LRRC36: variants seen among roughly 807,000 people sequenced by gnomAD.
LRRC36 encodes the protein leucine-rich repeat-containing protein 36.
LRRC36 carries 62 observed loss-of-function variants against 81.1 expected under a neutral mutation model. The ratio of observed to expected loss-of-function variants is 0.76; its 90% CI spans 0.62 to 0.94. The LOEUF (loss-of-function observed/expected upper bound fraction) is 0.94, where lower values mean the gene tolerates loss of function less well. LRRC36 is among the 40% of genes least tolerant of loss of function. The probability of loss-of-function intolerance (pLI) is 0.00; values close to 1 mark genes in which losing one functional copy is unlikely to be tolerated. For synonymous variants in LRRC36, 334 were observed against 348.6 expected (o/e 0.96, Z 0.47); for missense variants, 761 against 881.7 (o/e 0.86, Z 1.73).
intron 5 of LRRC36, among the ~76,000 whole-genome samples, chr16:67,351,486 C>T (rs936160395): frequency 3.3e-5 from 5 of 152,164 alleles, no homozygotes; most frequent in African/African-American, 1.2e-4. Flanking sequence ...ATGGGCAGAT[C>T]ACCTAAGGCC....
At chr16:67,379,796 A>G (rs938279845) in intron 12 of LRRC36, among the ~76,000 whole-genome samples, 1 of 152,230 alleles carries the variant, frequency 6.6e-6, no homozygotes, top group Non-Finnish European at 1.5e-5. Flanking sequence ...CTCAATCAAA[A>G]TACAGAACAT....
intron 1 of LRRC36, among the ~76,000 whole-genome samples, chr16:67,339,972 G>A (rs1383444392): frequency 2.0e-5 from 3 of 151,930 alleles, no homozygotes; most frequent in African/African-American, 4.8e-5. Flanking sequence ...GTGAAACCCC[G>A]TCTCTACTGA....
chr16:67,327,066 C>A lies in LRRC36; in HGVS notation c.70+134C>A. On this transcript the variant is annotated intron_variant, in intron 1 of 13. Coordinates refer to ENST00000329956, the MANE Select transcript of LRRC36 (RefSeq NM_018296.6). ...AGAAGCGGTACCTGAGGCTGGGGGG[C>A]GGGGGGATAACTTGAGGCAGAAGGT... 7 of 367,640 alleles carry A rather than the reference C, an allele frequency of 1.9e-5. No individual in the cohort carries two copies. In the South Asian group the frequency reaches 2.2e-4, roughly 12 times the overall value. 22.8% of individuals were successfully genotyped at this position (367,640 alleles called of 1,614,324 possible).
rs1039946693 is a variant in LRRC36, at chr16:67,382,226, C to T, written c.2024C>T (p.Ala675Val). The change falls in exon 13 of 14, where the codon GCC (alanine) becomes GTC (valine). Residue 675 changes from alanine (A) to valine (V), a missense_variant. This residue lies in a region of LRRC36 where 359 missense variants were observed against 388.4 expected (regional missense o/e 0.92). Transcript: ENST00000329956. ...AQLKKLEKTVAILHESQRSLV... is the reference protein window; with the variant it reads ...AQLKKLEKTVVILHESQRSLV... ...CTGAAAAAGCTGGAGAAGACAGTTG[C>T]CATTCTCCATGAAAGTCAGAGGTAG... The T allele has an allele frequency of 6.2e-7, 1 of 1,613,848 alleles. No individual in the cohort carries two copies. The highest frequency in any genetic ancestry group is 1.7e-4 in the Middle Eastern group (1 of 6,060).
At chr16:67,377,630 C>T (rs1375478065) in intron 11 of LRRC36, among the ~76,000 whole-genome samples, 1 of 151,854 alleles carries the variant, frequency 6.6e-6, no homozygotes. Context: ...CTGCACCTGG[C>T]CGCCTTTTTT....
chr16:67,346,558 A>G, intron 3 of LRRC36, 110 bp downstream of exon 3: 2 of 538,870 alleles, frequency 3.7e-6, no homozygotes, highest in South Asian at 5.2e-5. Context: ...ATATTTGTTT[A>G]TTAGTCAATA....
chr16:67,328,425 AT>A (rs1427798955), intron 1 of LRRC36, among the ~76,000 whole-genome samples: 2 of 152,126 alleles, frequency 1.3e-5, no homozygotes, highest in South Asian at 4.2e-4. Context: ...AGGCAGGAGA[AT>A]GGCGTGAACC....
intron 7 of LRRC36, among the ~76,000 whole-genome samples, chr16:67,366,557 C>T (rs2039398658): frequency 6.6e-6 from 1 of 151,854 alleles, no homozygotes; most frequent in African/African-American, 2.4e-5. Context: ...GGAGACCAGC[C>T]TGGCCAACAC....
Position 67,375,347 on chromosome 16 carries a change from T to A in LRRC36, c.1595T>A (p.Leu532His), listed in dbSNP as rs1440276178. Residue 532 changes from leucine to histidine, a missense_variant, in exon 10 of 14, where the codon CTC (leucine) becomes CAC (histidine). Leu to His is a moderately conservative substitution (Grantham distance 99). Coordinates refer to ENST00000329956, the MANE Select transcript of LRRC36 (RefSeq NM_018296.6). ...CATGTGGCCACTGTCCTCAGACAGC[T>A]CCTGGAGCTTGTGGATAAGCACTGG... is the stretch of plus-strand genomic sequence containing the variant. Reference protein sequence around the residue: ...TPHVATVLRQLLELVDKHWNG... With the variant: ...TPHVATVLRQHLELVDKHWNG... The A allele has an allele frequency of 1.2e-5, 20 of 1,611,304 alleles. No homozygotes were observed. The highest frequency in any genetic ancestry group is 1.6e-5 in the Non-Finnish European group (19 of 1,179,332).
chr16:67,343,787 G>A (rs2038209346), intron 2 of LRRC36, among the ~76,000 whole-genome samples: 1 of 151,744 alleles, frequency 6.6e-6, no homozygotes, highest in South Asian at 2.1e-4. Context: ...ACTCAGTAAT[G>A]TTAGTTTTCT....
chr16:67,335,239 C>T (rs896917728), intron 1 of LRRC36, among the ~76,000 whole-genome samples: 4 of 152,112 alleles, frequency 2.6e-5, no homozygotes, highest in African/African-American at 9.7e-5. Flanking sequence ...AGACATCTGC[C>T]CCCAAAGCAG....
At chr16:67,375,004 C>T (rs941578945) in intron 9 of LRRC36, among the ~76,000 whole-genome samples, 3 of 151,750 alleles carry the variant, frequency 2.0e-5, no homozygotes, top group Non-Finnish European at 4.4e-5. Context: ...GTGGCACACG[C>T]CTATCCCAGC....
intron 5 of LRRC36, among the ~76,000 whole-genome samples, chr16:67,358,545 G>T (rs918186156): frequency 7.3e-5 from 11 of 150,726 alleles, no homozygotes; most frequent in Non-Finnish European, 1.5e-4. Context: ...TGGAGATAAG[G>T]TCTTGCTATG....
In LRRC36 at chr16:67,376,694, T is replaced by C. The variant is rs1216425247; in HGVS notation, c.1661-33T>C. The C allele has an allele frequency of 3.1e-6, 5 of 1,598,628 alleles. No homozygotes were observed. In the East Asian group the frequency reaches 6.7e-5, roughly 22 times the overall value. On this transcript the variant is annotated intron_variant, in intron 10 of 13. Coordinates refer to ENST00000329956, the MANE Select transcript of LRRC36 (RefSeq NM_018296.6). ...GAATGCTGTGCCTTAGCTTTTAAGATTGGCCTGTGTGCCCATCCTGAATTT... is the reference window on the plus strand; with the variant it reads ...GAATGCTGTGCCTTAGCTTTTAAGACTGGCCTGTGTGCCCATCCTGAATTT...
At position 67,367,170 on chromosome 16, in the gene LRRC36, A is replaced by G; in HGVS notation, c.908A>G (p.His303Arg). Residue 303 changes from histidine (H) to arginine (R), a missense_variant, in exon 8 of 14, where the codon CAT becomes CGT. Around this residue, in one of 3 missense-constraint regions of LRRC36, gnomAD observed 139 missense variants for 214.0 expected, o/e 0.65. Coordinates refer to ENST00000329956, the MANE Select transcript of LRRC36 (RefSeq NM_018296.6). ...AAACCTGATACTTTTCATCTTACCC[A>G]TGATGCCTCATTGAGTAAATGCCTG... Reference protein sequence around the residue: ...IPKPDTFHLTHDASLSKCLDV... With the variant: ...IPKPDTFHLTRDASLSKCLDV... 4 of 1,614,216 alleles carry G rather than the reference A, an allele frequency of 2.5e-6. No homozygotes were observed. Among genetic ancestry groups the G allele is most frequent in the Non-Finnish European group, 3.4e-6 (4 of 1,180,040 alleles).
chr16:67,374,604 C>T (rs1409106729), intron 9 of LRRC36, among the ~76,000 whole-genome samples: 1 of 151,878 alleles, frequency 6.6e-6, no homozygotes, highest in African/African-American at 2.4e-5. Flanking sequence ...CCATATTGGC[C>T]AGGCTGGTCT....
At chr16:67,381,876 C>A (rs894021815) in intron 12 of LRRC36, among the ~76,000 whole-genome samples, 5 of 152,184 alleles carry the variant, frequency 3.3e-5, no homozygotes, top group Non-Finnish European at 5.9e-5. Context: ...CTCAGCCTCC[C>A]AAAGTGCTGG....
intron 5 of LRRC36, among the ~76,000 whole-genome samples, chr16:67,359,288 C>T (rs1352598210): frequency 2.6e-5 from 4 of 152,108 alleles, no homozygotes; most frequent in Admixed American, 6.6e-5. Flanking sequence ...TATGATATAT[C>T]CATATTCAGG....
intron 13 of LRRC36, among the ~76,000 whole-genome samples, chr16:67,383,010 T>C (rs1465756251): frequency 7.5e-6 from 1 of 132,806 alleles, no homozygotes; most frequent in African/African-American, 2.9e-5. Context: ...GAGGCGGAGA[T>C]AGCAGCAAGC....
Sources: gnomAD v4.1 joint callset for allele counts (sites outside exome capture counted in the v4.1 genomes callset) on GRCh38, gnomAD v4.1.1 for gene constraint, gnomAD v4.1.1 regional missense constraint, MANE v1.5 for transcripts, NCBI Gene and HGNC (gene_info 2026-07-23, HGNC 2026-07-21) for gene names.